MGAT4C: variants seen among roughly 807,000 people sequenced by gnomAD.
The protein encoded by MGAT4C is alpha-1,3-mannosyl-glycoprotein 4-beta-N-acetylglucosaminyltransferase C.
Under a neutral mutation model 40.1 loss-of-function variants are expected in MGAT4C, and 19 were observed. The observed-to-expected ratio is 0.47, with a 90% confidence interval of 0.33 to 0.70. The LOEUF (loss-of-function observed/expected upper bound fraction) is 0.70. MGAT4C is among the 30% of genes least tolerant of loss of function. The probability of loss-of-function intolerance (pLI) is 0.02; values close to 1 mark genes in which losing one functional copy is unlikely to be tolerated. For missense variants in MGAT4C, 491 were observed against 563.2 expected, an observed-to-expected ratio of 0.87 and a Z score of 1.30; for synonymous variants, 181 against 187.1, an observed-to-expected ratio of 0.97 and a Z score of 0.27.
chr12:86,817,135 A>G (rs1952622433), intron 1 of MGAT4C, among the ~76,000 whole-genome samples: 1 of 150,862 alleles, frequency 6.6e-6, no homozygotes, highest in African/African-American at 2.4e-5. Context: ...TTTTCATGAT[A>G]TAAAATATAG....
chr12:86,295,723 T>C (rs1315350374), intron 4 of MGAT4C, among the ~76,000 whole-genome samples: 3 of 151,950 alleles, frequency 2.0e-5, no homozygotes, highest in African/African-American at 7.3e-5. Flanking sequence ...CTGAGCTAGA[T>C]ACAAAGGTTC....
chr12:86,352,545 T>C (rs1364197420), intron 3 of MGAT4C, among the ~76,000 whole-genome samples: 1 of 152,128 alleles, frequency 6.6e-6, no homozygotes, highest in African/African-American at 2.4e-5. Context: ...CTTGGAAATC[T>C]TTCCATATCA....
intron 2 of MGAT4C, among the ~76,000 whole-genome samples, chr12:86,447,147 T>C (rs1957354357): frequency 6.6e-6 from 1 of 152,100 alleles, no homozygotes; most frequent in African/African-American, 2.4e-5. Flanking sequence ...TGTTTTGAGA[T>C]GGAATTTCAC....
chr12:86,492,909 C>T (rs1047797316), intron 2 of MGAT4C, among the ~76,000 whole-genome samples: 5 of 151,894 alleles, frequency 3.3e-5, no homozygotes, highest in Non-Finnish European at 5.9e-5. Context: ...TGACAAAGGG[C>T]TAATATCCAG....
At chr12:86,411,565 T>C (rs61949491) in intron 3 of MGAT4C, among the ~76,000 whole-genome samples, 15,022 of 152,270 alleles carry the variant, frequency 0.099, 1,002 homozygotes, top group Middle Eastern at 0.25. Flanking sequence ...TGGCTACTTG[T>C]AGTAGCCTAT....
chr12:86,576,943 CCA>C (rs1960585407), intron 2 of MGAT4C, among the ~76,000 whole-genome samples: 1 of 151,828 alleles, frequency 6.6e-6, no homozygotes, highest in Non-Finnish European at 1.5e-5. Context: ...ATTGATTCTT[CCA>C]ATCTATGCAA....
At position 86,324,054 on chromosome 12, in the gene MGAT4C, C is replaced by T. The variant is rs547209542; in HGVS notation, c.-57+10011G>A. On this transcript the variant is annotated intron_variant, in intron 4 of 7. Coordinates refer to the MGAT4C transcript ENST00000548651. Reference sequence around the variant, plus strand: ...TTTATTTTTTCTTTACATTGATTACCGGAAGCATAATTTCTTTATTTTTAA... The same window carrying T: ...TTTATTTTTTCTTTACATTGATTACTGGAAGCATAATTTCTTTATTTTTAA... Among the ~76,000 whole-genome samples the T allele has an allele frequency of 1.3e-4, 19 of 151,786 alleles. No homozygotes were observed. In the South Asian group the frequency reaches 3.1e-3, roughly 25 times the overall value.
At position 86,523,641 on chromosome 12, in the gene MGAT4C, CT is replaced by C. The variant is rs1158678368; in HGVS notation, c.-228-88377del. 4.6e-5 allele frequency among the ~76,000 whole-genome samples: 7 copies of C among 152,180 alleles called. No homozygotes were observed. The East Asian group carries it at 1.4e-3, about 29-fold the overall frequency. On this transcript the variant is annotated intron_variant, in intron 2 of 7. Coordinates refer to the MGAT4C transcript ENST00000548651. ...AGTGCTCAGTTCAGGTTCTGAATAT[CT>C]TTGTTAATTTTTTGCCTCAATGATC...
chr12:86,142,264 G>A (rs1296685938), intron 1 of MGAT4C, among the ~76,000 whole-genome samples: 2 of 152,170 alleles, frequency 1.3e-5, no homozygotes, highest in Non-Finnish European at 2.9e-5. Context: ...CACACACAGA[G>A]AGATGAAAAT....
chr12:86,043,714 T>G (rs1165783707), intron 2 of MGAT4C, among the ~76,000 whole-genome samples: 2 of 152,214 alleles, frequency 1.3e-5, no homozygotes, highest in Non-Finnish European at 2.9e-5. Context: ...CCAATATGGT[T>G]TTCAAGTTGT....
intron 2 of MGAT4C, among the ~76,000 whole-genome samples, chr12:86,726,612 T>C (rs1950825866): frequency 6.6e-6 from 1 of 152,174 alleles, no homozygotes; most frequent in Non-Finnish European, 1.5e-5. Context: ...TAGTGAATTA[T>C]TAATTGGATG....
At chr12:86,298,140 G>A (rs984476520) in intron 4 of MGAT4C, among the ~76,000 whole-genome samples, 15 of 151,122 alleles carry the variant, frequency 9.9e-5, no homozygotes, top group African/African-American at 3.6e-4. Flanking sequence ...AAAAGCAAAA[G>A]TTAAAAAAAA....
At chr12:86,551,689 T>C (rs1276213054) in intron 2 of MGAT4C, among the ~76,000 whole-genome samples, 1 of 152,162 alleles carries the variant, frequency 6.6e-6, no homozygotes, top group African/African-American at 2.4e-5. Context: ...ACAGACCTTA[T>C]GATGGCAAAC....
chr12:86,198,094 C>A (rs1263986670), intron 1 of MGAT4C, among the ~76,000 whole-genome samples: 1 of 152,094 alleles, frequency 6.6e-6, no homozygotes. Context: ...TTAAATCATG[C>A]ATATTCAGAA....
At chr12:86,399,576 C>T (rs566715113) in intron 3 of MGAT4C, among the ~76,000 whole-genome samples, 3 of 152,152 alleles carry the variant, frequency 2.0e-5, no homozygotes, top group South Asian at 2.1e-4. Flanking sequence ...CCACCGTGCC[C>T]GGGCCTGTCC....
intron 2 of MGAT4C, among the ~76,000 whole-genome samples, chr12:86,502,040 C>T (rs974501757): frequency 1.3e-5 from 2 of 151,964 alleles, no homozygotes; most frequent in African/African-American, 4.8e-5. Context: ...AATTAGGACT[C>T]ATGATAGACA....
intron 3 of MGAT4C, among the ~76,000 whole-genome samples, chr12:86,421,570 A>G (rs1457326014): frequency 6.6e-6 from 1 of 152,132 alleles, no homozygotes; most frequent in East Asian, 1.9e-4. Flanking sequence ...TCAGCAGTTC[A>G]AGACTAGCCT....
At chr12:86,125,662 G>A (rs1365055961) in intron 1 of MGAT4C, among the ~76,000 whole-genome samples, 1 of 152,118 alleles carries the variant, frequency 6.6e-6, no homozygotes, top group Non-Finnish European at 1.5e-5. Context: ...ATAAACAGGA[G>A]GGCATTTTAG....
At chr12:86,382,650 T>C (rs1235889704) in intron 3 of MGAT4C, among the ~76,000 whole-genome samples, 1 of 152,124 alleles carries the variant, frequency 6.6e-6, no homozygotes, top group Non-Finnish European at 1.5e-5. Context: ...AAAAATATGG[T>C]TTCATGGGCC....
Sources: gnomAD v4.1 joint callset for allele counts (sites outside exome capture counted in the v4.1 genomes callset) on GRCh38, gnomAD v4.1.1 for gene constraint, MANE v1.5 for transcripts, NCBI Gene and HGNC (gene_info 2026-07-23, HGNC 2026-07-21) for gene names.